The following PPARGC1A variants were observed in gnomAD, a reference collection of about 807,000 sequenced individuals.
The protein encoded by PPARGC1A is peroxisome proliferator-activated receptor gamma coactivator 1-alpha.
A neutral mutation model predicts 88.7 loss-of-function variants in PPARGC1A; 25 were observed. The ratio of observed to expected loss-of-function variants is 0.28; its 90% confidence interval spans 0.21 to 0.39. PPARGC1A has a LOEUF of 0.39. PPARGC1A is among the 10% of genes least tolerant of loss of function. The probability of loss-of-function intolerance (pLI) is 1.00; values close to 1 mark genes in which losing one functional copy is unlikely to be tolerated. For missense variants in PPARGC1A, 880 were observed against 968.7 expected, an observed-to-expected ratio of 0.91 and a Z score of 1.22; for synonymous variants, 363 against 355.6, an observed-to-expected ratio of 1.02 and a Z score of -0.24.
At chr4:24,256,826 G>A in the PPARGC1A span, among the ~76,000 whole-genome samples, 1 of 152,132 alleles carries the variant, frequency 6.6e-6, no homozygotes, top group Non-Finnish European at 1.5e-5. Flanking sequence ...ACTTTGATTA[G>A]ATCTCTGGAC....
chr4:23,843,579 G>C (rs1043158011), intron 2 of PPARGC1A, among the ~76,000 whole-genome samples: 2 of 151,932 alleles, frequency 1.3e-5, no homozygotes, highest in African/African-American at 2.4e-5. Flanking sequence ...TGGATTTGTT[G>C]AAAACAAATC....
the PPARGC1A span, among the ~76,000 whole-genome samples, chr4:23,998,792 A>G: frequency 6.6e-6 from 1 of 152,192 alleles, no homozygotes; most frequent in Non-Finnish European, 1.5e-5. Context: ...GCCAGGGAAA[A>G]CTTGAAGAGT....
the PPARGC1A span, among the ~76,000 whole-genome samples, chr4:23,939,297 T>TA: frequency 6.6e-6 from 1 of 152,154 alleles, no homozygotes; most frequent in African/African-American, 2.4e-5. Flanking sequence ...TGTTTTAAAA[T>TA]ATGTTTGTTT....
At position 23,814,211 on chromosome 4, in the gene PPARGC1A, A is replaced by G. The variant is rs1721495903; in HGVS notation, c.1272T>C (p.Cys424=). Residue 424 remains cysteine (C), a synonymous_variant, in exon 8 of 13, where the codon TGT becomes TGC. Transcript: ENST00000264867. The stretch of plus-strand genomic sequence containing the variant: ...AGCACTGGTCTGAATCTGTGGAAGA[A>G]CAAATCTGCCCCTGCCAATCAGAGG... ...DVSSDWQGQI[C]SSTDSDQCYL... is the part of the protein sequence containing the mutation. 6.2e-7 allele frequency: 1 copy of G among 1,614,168 alleles called. No individual in the cohort carries two copies. Among genetic ancestry groups the G allele is most frequent in the African/African-American group, 1.3e-5 (1 of 75,046 alleles).
At chr4:23,913,300 A>G in the PPARGC1A span, among the ~76,000 whole-genome samples, 1 of 144,532 alleles carries the variant, frequency 6.9e-6, no homozygotes, top group African/African-American at 2.6e-5. Flanking sequence ...AGAGAGAGAG[A>G]GAGAGAGAAA....
At chr4:24,444,168 A>G in the PPARGC1A span, among the ~76,000 whole-genome samples, 2 of 152,070 alleles carry the variant, frequency 1.3e-5, no homozygotes, top group South Asian at 4.1e-4. Context: ...AGTAGGTGGG[A>G]CTACACAGGC....
chr4:23,971,177 T>C, the PPARGC1A span, among the ~76,000 whole-genome samples: 4 of 152,174 alleles, frequency 2.6e-5, no homozygotes, highest in Non-Finnish European at 5.9e-5. Context: ...ATATTATCTC[T>C]AGATAGATGG....
chr4:24,321,702 G>T, the PPARGC1A span, among the ~76,000 whole-genome samples: 1 of 152,216 alleles, frequency 6.6e-6, no homozygotes, highest in African/African-American at 2.4e-5. Context: ...TGACTGAAAT[G>T]ATTTAGTCAT....
the PPARGC1A span, among the ~76,000 whole-genome samples, chr4:24,399,079 C>T: frequency 1.3e-5 from 2 of 152,176 alleles, no homozygotes; most frequent in African/African-American, 4.8e-5. Flanking sequence ...GGGCCCAAAG[C>T]CTGGTTTCCG....
the PPARGC1A span, among the ~76,000 whole-genome samples, chr4:24,003,878 G>T: frequency 9.3e-5 from 14 of 150,316 alleles, 1 homozygote. Flanking sequence ...TGGTTTGTAC[G>T]ATTGAGATAA....
chr4:24,126,759 T>C, the PPARGC1A span, among the ~76,000 whole-genome samples: 32 of 152,214 alleles, frequency 2.1e-4, no homozygotes, highest in Admixed American at 1.6e-3. Context: ...GGCATGCTAG[T>C]AGCCATTACC....
the PPARGC1A span, among the ~76,000 whole-genome samples, chr4:23,974,235 C>T: frequency 7.9e-5 from 12 of 152,196 alleles, no homozygotes; most frequent in Non-Finnish European, 1.3e-4. Context: ...ATGCTGTTTC[C>T]GCAAACCATC....
At chr4:24,289,662 G>C in the PPARGC1A span, among the ~76,000 whole-genome samples, 1 of 152,118 alleles carries the variant, frequency 6.6e-6, no homozygotes, top group Non-Finnish European at 1.5e-5. Flanking sequence ...GCATCTATTT[G>C]TACTACTTGG....
At chr4:24,210,045 A>C in the PPARGC1A span, among the ~76,000 whole-genome samples, 1 of 152,222 alleles carries the variant, frequency 6.6e-6, no homozygotes, top group African/African-American at 2.4e-5. Context: ...AAATTCAATT[A>C]TGTACTAAAC....
the PPARGC1A span, among the ~76,000 whole-genome samples, chr4:23,920,256 G>A: frequency 7.2e-5 from 11 of 152,244 alleles, no homozygotes; most frequent in African/African-American, 2.2e-4. Context: ...AGCTTCTACC[G>A]GTGGGACTGT....
chr4:23,839,053 G>A (rs755192973), intron 2 of PPARGC1A, among the ~76,000 whole-genome samples: 6 of 152,120 alleles, frequency 3.9e-5, no homozygotes, highest in Non-Finnish European at 8.8e-5. Context: ...AGAATTCACA[G>A]ACATAATTAG....
intron 1 of PPARGC1A, among the ~76,000 whole-genome samples, chr4:23,898,838 T>C (rs1718927146): frequency 1.1e-5 from 1 of 93,286 alleles, no homozygotes; most frequent in Non-Finnish European, 3.2e-5. Context: ...GTGGGTATTT[T>C]TTTTTTTTTT....
intron 2 of PPARGC1A, among the ~76,000 whole-genome samples, chr4:23,873,894 T>C (rs528076195): frequency 3.8e-4 from 58 of 152,084 alleles, no homozygotes; most frequent in Non-Finnish European, 7.2e-4. Flanking sequence ...TACCGTTAGA[T>C]GACAGCAGAA....
At chr4:24,336,255 T>G in the PPARGC1A span, among the ~76,000 whole-genome samples, 1,768 of 152,264 alleles carry the variant, frequency 0.012, 27 homozygotes, top group Admixed American at 0.022. Flanking sequence ...ACACTGTCAC[T>G]TAGGACACAC....
Sources: allele counts gnomAD v4.1 joint callset (sites outside exome capture counted in the v4.1 genomes callset), GRCh38; gene constraint gnomAD v4.1.1; transcripts MANE v1.5; gene names NCBI Gene and HGNC (gene_info 2026-07-23, HGNC 2026-07-21).